Variants in SYNPR observed in about 807,000 individuals in gnomAD.
SYNPR encodes synaptoporin.
SYNPR carries 23 observed loss-of-function variants against 32.9 expected under a neutral mutation model. The ratio of observed to expected loss-of-function variants is 0.70; its 90% confidence interval spans 0.50 to 0.99. The LOEUF (loss-of-function observed/expected upper bound fraction) is 0.99, where lower values mean the gene tolerates loss of function less well. SYNPR is among the 50% of genes least tolerant of loss of function. The probability of loss-of-function intolerance (pLI) is 0.00; values close to 1 mark genes in which losing one functional copy is unlikely to be tolerated. For synonymous variants in SYNPR, 146 were observed against 135.9 expected (o/e 1.07, Z -0.52); for missense variants, 318 against 349.3 (o/e 0.91, Z 0.71).
At chr3:63,441,539 A>G (rs1243539844) in intron 2 of SYNPR, among the ~76,000 whole-genome samples, 1 of 152,120 alleles carries the variant, frequency 6.6e-6, no homozygotes, top group Admixed American at 6.5e-5. Flanking sequence ...TATTCTGTAA[A>G]TGTTTACTGA....
intron 1 of SYNPR, among the ~76,000 whole-genome samples, chr3:63,235,878 T>A (rs2086197202): frequency 6.6e-6 from 1 of 152,122 alleles, no homozygotes; most frequent in African/African-American, 2.4e-5. Context: ...TTTGATGAAG[T>A]CCAATCTATC....
chr3:63,258,430 C>T lies in SYNPR; in HGVS notation n.154+5844C>T, dbSNP rs141508460. 3.0e-3 allele frequency among the ~76,000 whole-genome samples: 462 copies of T among 152,302 alleles called. 2 individuals are homozygous for T. The highest frequency in any genetic ancestry group is 4.1e-3 in the Non-Finnish European group (279 of 68,020). On this transcript the variant is annotated intron_variant and non_coding_transcript_variant, in intron 2 of 4. Coordinates refer to the SYNPR transcript ENST00000478456. ...GGATTAAGAAACTCACTCAAAACCA[C>T]TCAACTACATGGAAACTGAACAACC...
chr3:63,254,389 C>G (rs975718471), intron 2 of SYNPR, among the ~76,000 whole-genome samples: 14 of 152,114 alleles, frequency 9.2e-5, no homozygotes, highest in Non-Finnish European at 1.8e-4. Context: ...TCAAGATCTA[C>G]TAGTACGTCG....
At chr3:63,491,371 G>C (rs1701254597) in intron 3 of SYNPR, among the ~76,000 whole-genome samples, 1 of 152,026 alleles carries the variant, frequency 6.6e-6, no homozygotes, top group Non-Finnish European at 1.5e-5. Flanking sequence ...GCAATCTGAA[G>C]ACGAGCAAGG....
chr3:63,307,414 A>G (rs185965254), intron 2 of SYNPR, among the ~76,000 whole-genome samples: 3 of 152,174 alleles, frequency 2.0e-5, no homozygotes, highest in Admixed American at 2.0e-4. Flanking sequence ...TACTATTATT[A>G]ACAAAGTGCT....
intron 3 of SYNPR, among the ~76,000 whole-genome samples, chr3:63,540,107 AG>A (rs1446375733): frequency 6.6e-6 from 1 of 152,282 alleles, no homozygotes. Flanking sequence ...TTATAATAAT[AG>A]TATTTATTAA....
chr3:63,348,057 A>G (rs1225792304), intron 2 of SYNPR, among the ~76,000 whole-genome samples: 1 of 152,154 alleles, frequency 6.6e-6, no homozygotes, highest in Non-Finnish European at 1.5e-5. Flanking sequence ...AATGATTTCA[A>G]TTGCTGGATT....
At chr3:63,479,916 G>C (rs1701012672) in intron 2 of SYNPR, among the ~76,000 whole-genome samples, 1 of 152,162 alleles carries the variant, frequency 6.6e-6, no homozygotes, top group Non-Finnish European at 1.5e-5. Flanking sequence ...CCAAACTATT[G>C]TAAGAAGCTG....
chr3:63,206,083 G>A, the SYNPR span, among the ~76,000 whole-genome samples: 40 of 152,096 alleles, frequency 2.6e-4, no homozygotes, highest in African/African-American at 9.6e-4. Context: ...TTTTTTGCTT[G>A]TATGCAATCT....
At chr3:63,417,410 T>C (rs2088556281) in intron 2 of SYNPR, among the ~76,000 whole-genome samples, 1 of 152,220 alleles carries the variant, frequency 6.6e-6, no homozygotes, top group South Asian at 2.1e-4. Context: ...GATGAGTGTC[T>C]GCAGCTTTTC....
intron 2 of SYNPR, among the ~76,000 whole-genome samples, chr3:63,459,141 G>C (rs1700537228): frequency 6.6e-6 from 1 of 151,880 alleles, no homozygotes; most frequent in Admixed American, 6.6e-5. Context: ...AATTCACTAT[G>C]ACAAATTCAA....
At chr3:63,614,163 G>A (rs1700244522) in intron 5 of SYNPR, among the ~76,000 whole-genome samples, 1 of 152,300 alleles carries the variant, frequency 6.6e-6, no homozygotes, top group South Asian at 2.1e-4. Flanking sequence ...ATTTTGATTG[G>A]TCAGCGTCAC....
intron 2 of SYNPR, among the ~76,000 whole-genome samples, chr3:63,317,229 T>C (rs2087052871): frequency 1.3e-5 from 2 of 152,062 alleles, no homozygotes. Context: ...TGAAATGTTC[T>C]GTATATATCT....
rs77868263 is a variant in SYNPR at position 63,471,539 on chromosome 3, G to C, written c.85-9293G>C. 9.0e-3 allele frequency among the ~76,000 whole-genome samples: 1,365 copies of C among 152,266 alleles called. 54 individuals carry two copies. The East Asian group carries it at 0.13, about 15-fold the overall frequency. ...AAACTAAAAGAAAGAATTAGACAAAGATCAGTAGGAATGGAACATTAAGCT... is the reference window on the plus strand; with the variant it reads ...AAACTAAAAGAAAGAATTAGACAAACATCAGTAGGAATGGAACATTAAGCT... On this transcript the variant is annotated intron_variant, in intron 2 of 5. Transcript: ENST00000478300.
intron 2 of SYNPR, among the ~76,000 whole-genome samples, chr3:63,407,897 C>T (rs2088382932): frequency 6.6e-6 from 1 of 151,940 alleles, no homozygotes; most frequent in African/African-American, 2.4e-5. Flanking sequence ...TACCTTGAGA[C>T]ATTTGAAAGG....
intron 1 of SYNPR, among the ~76,000 whole-genome samples, chr3:63,248,073 G>C (rs1041330483): frequency 6.6e-6 from 1 of 152,118 alleles, no homozygotes; most frequent in African/African-American, 2.4e-5. Flanking sequence ...GTGATGCACA[G>C]AGGGGCCTTG....
intron 4 of SYNPR, among the ~76,000 whole-genome samples, chr3:63,592,707 T>A (rs1197563776): frequency 6.6e-6 from 1 of 152,068 alleles, no homozygotes; most frequent in Non-Finnish European, 1.5e-5. Flanking sequence ...AAAAAATAAA[T>A]AAATAAATAA....
intron 2 of SYNPR, among the ~76,000 whole-genome samples, chr3:63,381,315 A>G (rs11720436): frequency 0.15 from 22,375 of 152,190 alleles, 2,012 homozygotes; most frequent in Middle Eastern, 0.25. Context: ...TGCTTCAAAG[A>G]GAATAAAATG....
At chr3:63,231,933 G>A (rs987924654) in intron 1 of SYNPR, among the ~76,000 whole-genome samples, 1 of 152,134 alleles carries the variant, frequency 6.6e-6, no homozygotes, top group Non-Finnish European at 1.5e-5. Context: ...GAACCCCGCT[G>A]TTGTTCTTTT....
Sources: gnomAD v4.1 joint callset for allele counts (sites outside exome capture counted in the v4.1 genomes callset) on GRCh38, gnomAD v4.1.1 for gene constraint, MANE v1.5 for transcripts, NCBI Gene and HGNC (gene_info 2026-07-23, HGNC 2026-07-21) for gene names.